STK26: variants seen among roughly 807,000 people sequenced by gnomAD.
STK26 encodes serine/threonine-protein kinase 26.
STK26 carries 14 observed loss-of-function variants against 34.7 expected under a neutral mutation model. The ratio of observed to expected loss-of-function variants is 0.40; its 90% CI spans 0.27 to 0.63. The LOEUF (loss-of-function observed/expected upper bound fraction) is 0.63, where lower values mean the gene tolerates loss of function less well. Ranked by LOEUF, STK26 falls within the 30% of genes least tolerant of loss-of-function variation. The pLI is 0.38. For synonymous variants in STK26, 100 were observed against 109.8 expected, an observed-to-expected ratio of 0.91 and a Z score of 0.56; for missense variants, 226 against 309.1, an observed-to-expected ratio of 0.73 and a Z score of 2.02.
At chrX:132,061,363 G>C (rs1379370720) in intron 3 of STK26, among the ~76,000 whole-genome samples, 5 of 111,876 alleles carry the variant, frequency 4.5e-5, no homozygotes, top group Non-Finnish European at 7.5e-5. Context: ...CAGGTTGCGA[G>C]TGCCTAGGTT....
intron 2 of STK26, among the ~76,000 whole-genome samples, chrX:132,024,867 C>G (rs1286055482): frequency 1.9e-5 from 2 of 107,907 alleles, no homozygotes; most frequent in Middle Eastern, 4.2e-3. Context: ...GTCCTAAACA[C>G]CAGACATTTC....
At chrX:132,064,791 A>G (rs1262887772) in intron 4 of STK26, among the ~76,000 whole-genome samples, 1 of 111,761 alleles carries the variant, frequency 8.9e-6, no homozygotes, top group East Asian at 2.8e-4. Context: ...GTTTCTAAGA[A>G]AGTGTTTTGA....
intron 2 of STK26, among the ~76,000 whole-genome samples, chrX:132,029,210 G>C (rs1295786207): frequency 8.9e-6 from 1 of 111,958 alleles, no homozygotes; most frequent in Admixed American, 9.4e-5. Context: ...TCTTGCTTGA[G>C]TCACAGCAAA....
At chrX:132,023,838 T>C (rs1000244130) in intron 2 of STK26, among the ~76,000 whole-genome samples, 179 bp downstream of exon 2, 6 of 111,630 alleles carry the variant, frequency 5.4e-5, no homozygotes, top group Non-Finnish European at 9.5e-5. Context: ...GTAGGCTAGG[T>C]AGTGCTCTTC....
At chrX:132,028,056 A>C (rs1172710729) in intron 2 of STK26, among the ~76,000 whole-genome samples, 1 of 83,255 alleles carries the variant, frequency 1.2e-5, no homozygotes, top group Admixed American at 1.4e-4. Flanking sequence ...TTTTGGAGAC[A>C]ATGTTTAGTG....
chrX:132,024,675 T>G (rs1197608042), intron 2 of STK26, among the ~76,000 whole-genome samples: 1 of 111,305 alleles, frequency 9.0e-6, no homozygotes, highest in African/African-American at 3.3e-5. Context: ...AAAATGTTTA[T>G]AGTAAATAGC....
Position 132,074,878 on chromosome X carries a change from A to T in STK26, c.*719A>T, listed in dbSNP as rs1265524150. 3 of 111,450 alleles carry T rather than the reference A, an allele frequency of 2.7e-5. No individual in the cohort carries two copies. The allele number at this position is 111,450 out of a possible 1,213,427, so 9.2% of individuals were successfully genotyped here. ...ATGGTTAGAAATTTAAAGCAAGATC[A>T]TTTACCCAAGGATAGGTGTTTGGTA... On this transcript the variant is annotated 3_prime_UTR_variant, in exon 12 of 12. Coordinates refer to ENST00000394334, the MANE Select transcript of STK26 (RefSeq NM_016542.4).
chrX:132,053,564 A>G (rs1926758737), intron 2 of STK26, among the ~76,000 whole-genome samples: 1 of 112,075 alleles, frequency 8.9e-6, no homozygotes, highest in Non-Finnish European at 1.9e-5. Flanking sequence ...GAAATTGATG[A>G]TGAAGTGAAA....
At chrX:132,067,676 T>C (rs993440642) in intron 4 of STK26, among the ~76,000 whole-genome samples, 1 of 111,669 alleles carries the variant, frequency 9.0e-6, no homozygotes, top group Non-Finnish European at 1.9e-5. Context: ...TGGCTAAATT[T>C]ACAATTTGAG....
Position 132,074,568 on chromosome X carries a change from T to TA in STK26, c.*418dup, listed in dbSNP as rs201033420. ...TCAAGCTTCAAAAAGCTTTTTTTTTTAAAAAAAAACATGCATATTCTAAAA... is the reference window on the plus strand; with the variant it reads ...TCAAGCTTCAAAAAGCTTTTTTTTTTAAAAAAAAAACATGCATATTCTAAAA... On this transcript the variant is annotated 3_prime_UTR_variant, in exon 12 of 12. Transcript: ENST00000394334. The TA allele has an allele frequency of 8.2e-4, 87 of 105,626 alleles. No individual in the cohort carries two copies. Among genetic ancestry groups the TA allele is most frequent in the African/African-American group, 2.0e-3 (57 of 28,541 alleles). 8.7% of individuals were successfully genotyped at this position (105,626 alleles called of 1,213,427 possible).
At chrX:132,028,030 G>GT (rs1330440492) in intron 2 of STK26, among the ~76,000 whole-genome samples, 10 of 59,214 alleles carry the variant, frequency 1.7e-4, no homozygotes, top group African/African-American at 4.7e-4. Flanking sequence ...TAATTTTTAT[G>GT]GTTTTTTTTT....
At chrX:132,040,599 A>C (rs1217461714) in intron 2 of STK26, among the ~76,000 whole-genome samples, 9 of 111,962 alleles carry the variant, frequency 8.0e-5, no homozygotes, top group African/African-American at 2.9e-4. Context: ...TTTATAAAGT[A>C]ATATAAGGGA....
chrX:132,050,125 A>C (rs1423922802), intron 2 of STK26, among the ~76,000 whole-genome samples: 2 of 111,096 alleles, frequency 1.8e-5, no homozygotes, highest in Non-Finnish European at 1.9e-5. Context: ...CGAGAACTCC[A>C]AGACTAATTC....
chrX:132,028,178 C>A (rs1370802024), intron 2 of STK26, among the ~76,000 whole-genome samples: 4 of 109,528 alleles, frequency 3.7e-5, no homozygotes, highest in Non-Finnish European at 7.6e-5. Flanking sequence ...GAGGCTATTT[C>A]AATGGGTCAA....
chrX:132,028,603 C>G (rs1298456978), intron 2 of STK26, among the ~76,000 whole-genome samples: 2 of 111,440 alleles, frequency 1.8e-5, no homozygotes, highest in African/African-American at 6.5e-5. Context: ...TTCATAATGC[C>G]AGAAAGAATA....
chrX:132,050,764 AC>A (rs1926659447), intron 2 of STK26, among the ~76,000 whole-genome samples: 1 of 111,846 alleles, frequency 8.9e-6, no homozygotes, highest in Non-Finnish European at 1.9e-5. Context: ...CAACTTGTCC[AC>A]TTTTAATGTA....
chrX:132,025,819 GTGACTC>G (rs60226973), intron 2 of STK26, among the ~76,000 whole-genome samples: 25,867 of 110,108 alleles, frequency 0.23, 2,253 homozygotes, highest in East Asian at 0.43. Flanking sequence ...AGCATGCAGT[GTGACTC>G]TTGAAGCTAG....
At chrX:132,073,958 A>G (rs1927510948) in intron 11 of STK26, among the ~76,000 whole-genome samples, 177 bp from the exon 12 acceptor site, 1 of 112,024 alleles carries the variant, frequency 8.9e-6, no homozygotes, top group African/African-American at 3.2e-5. Flanking sequence ...AAGTTGTGAA[A>G]TCAGATGCAG....
Position 132,055,143 on chromosome X carries a change from A to G in STK26, c.273+282A>G, listed in dbSNP as rs753488541. Among the ~76,000 whole-genome samples, 214 of 112,215 alleles carry G rather than the reference A, an allele frequency of 1.9e-3. 3 individuals are homozygous for G. Among genetic ancestry groups the G allele is most frequent in the Non-Finnish European group, 1.7e-3 (91 of 53,188 alleles). On this transcript the variant is annotated intron_variant, in intron 3 of 11. Coordinates refer to ENST00000394334, the MANE Select transcript of STK26 (RefSeq NM_016542.4). ...TCCTGGAGACATCTCCTTTGTCAGG[A>G]AAGAGCTATCCCCCTGGGTTTCCAG...
Sources: allele counts gnomAD v4.1 joint callset (sites outside exome capture counted in the v4.1 genomes callset), GRCh38; gene constraint gnomAD v4.1.1; transcripts MANE v1.5; gene names NCBI Gene and HGNC (gene_info 2026-07-23, HGNC 2026-07-21).